Variants in TUBD1 observed in about 807,000 individuals in gnomAD.
The protein encoded by TUBD1 is tubulin delta 1, also known as tubulin delta chain.
TUBD1 carries 38 observed loss-of-function variants against 51.2 expected under a neutral mutation model. The observed-to-expected ratio is 0.74, with a 90% CI of 0.57 to 0.97. The LOEUF is 0.97. Ranked by LOEUF, TUBD1 falls within the 50% of genes least tolerant of loss-of-function variation. TUBD1 has a pLI of 0.00. For missense variants in TUBD1, 489 were observed against 538.4 expected, an observed-to-expected ratio of 0.91 and a Z score of 0.91; for synonymous variants, 169 against 178.2, an observed-to-expected ratio of 0.95 and a Z score of 0.41.
chr17:59,866,771 A>T (rs759322900), intron 6 of TUBD1, 22 bp from the exon 7 acceptor site: 1 of 1,575,278 alleles, frequency 6.3e-7, no homozygotes, highest in Admixed American at 2.0e-5. Context: ...AAAAAAAAGC[A>T]AGAGGTTTTA....
chr17:59,870,743 T>C (rs1042503591), intron 6 of TUBD1, among the ~76,000 whole-genome samples: 1 of 152,160 alleles, frequency 6.6e-6, no homozygotes, highest in Non-Finnish European at 1.5e-5. Flanking sequence ...TAAGATACGC[T>C]GAGTATGATA....
At position 59,891,004 on chromosome 17, in the gene TUBD1, C is replaced by A; in HGVS notation, c.-2G>T. On this transcript the variant is annotated 5_prime_UTR_variant, in exon 2 of 9. Transcript: ENST00000325752. ...AAGTTGCACTGTTACAATTGACATG[C>A]TGAGCCACAAACTAGGTGTATTACC... The A allele has an allele frequency of 6.2e-7, 1 of 1,607,982 alleles. No individual in the cohort carries two copies. Among genetic ancestry groups the A allele is most frequent in the Non-Finnish European group, 8.5e-7 (1 of 1,178,250 alleles).
chr17:59,887,187 A>AAAAC (rs899647034), intron 2 of TUBD1, among the ~76,000 whole-genome samples: 8 of 152,014 alleles, frequency 5.3e-5, no homozygotes, highest in South Asian at 2.1e-4. Context: ...ACACTGTCTC[A>AAAAC]AAACAAACAA....
At chr17:59,862,528 T>C (rs1348251283) in intron 8 of TUBD1, among the ~76,000 whole-genome samples, 1 of 151,756 alleles carries the variant, frequency 6.6e-6, no homozygotes, top group African/African-American at 2.4e-5. Flanking sequence ...AAGAATCTTA[T>C]GTTTTTTAAT....
Position 59,886,129 on chromosome 17 carries a change from C to T in TUBD1, c.274G>A (p.Ala92Thr). 6.2e-7 allele frequency: 1 copy of T among 1,613,968 alleles called. No homozygotes were observed. Among genetic ancestry groups the T allele is most frequent in the South Asian group, 1.1e-5 (1 of 91,070 alleles). ...QSGQWKYGQH[A>T]CFCQKQGSGN... ...GAACCTTGTTTTTGACAGAAGCATG[C>T]ATGTTGACCATATTTCCATTGGCCA... Residue 92 changes from alanine (A) to threonine (T), a missense_variant, in exon 3 of 9, where the codon GCA becomes ACA. By Grantham distance (58) the Ala-to-Thr change is moderately conservative (BLOSUM62 0). Transcript: ENST00000325752.
chr17:59,890,472 G>A (rs999763138), intron 2 of TUBD1, among the ~76,000 whole-genome samples: 2 of 152,160 alleles, frequency 1.3e-5, no homozygotes, highest in African/African-American at 2.4e-5. Context: ...TTGAACTCCT[G>A]ACCTTGTGAT....
chr17:59,862,570 G>A (rs1010488111), intron 8 of TUBD1, among the ~76,000 whole-genome samples: 9 of 151,282 alleles, frequency 5.9e-5, no homozygotes, highest in Admixed American at 5.3e-4. Flanking sequence ...ATGGAGTCTC[G>A]CTCTTGTTGC....
chr17:59,873,117 T>TATATTGTTCATAGTA (rs2040070865), intron 6 of TUBD1, among the ~76,000 whole-genome samples: 2 of 152,174 alleles, frequency 1.3e-5, no homozygotes, highest in South Asian at 4.2e-4. Context: ...AGTAAGACAT[T>TATATTGTTCATAGTA]TATAACTATG....
Position 59,881,289 on chromosome 17 carries a change from T to G in TUBD1, c.321-179A>C, listed in dbSNP as rs912150329. ...TTTAAATACATAAGTTGAATATATT[T>G]AACCCACTTATGCCTAGTGTTCCAT... On this transcript the variant is annotated intron_variant, in intron 3 of 8. Coordinates refer to ENST00000325752, the MANE Select transcript of TUBD1 (RefSeq NM_016261.4). The G allele has an allele frequency of 5.1e-6, 3 of 592,634 alleles. No individual in the cohort carries two copies. In the African/African-American group the frequency reaches 5.6e-5, roughly 11 times the overall value. The allele number at this position is 592,634 out of a possible 1,614,324, so 36.7% of individuals were successfully genotyped here.
intron 3 of TUBD1, 66 bp downstream of exon 3, chr17:59,886,017 C>T (rs1312988437): frequency 1.9e-6 from 3 of 1,544,800 alleles, no homozygotes; most frequent in Non-Finnish European, 2.7e-6. Flanking sequence ...ACAGTTCTAA[C>T]TTTGCTATCT....
chr17:59,889,668 C>CAAAAAAAAAAAAAAAAA (rs1195587619), intron 2 of TUBD1, among the ~76,000 whole-genome samples: 1 of 54,184 alleles, frequency 1.8e-5, no homozygotes, highest in Non-Finnish European at 3.6e-5. Flanking sequence ...GACTCTGTCT[C>CAAAAAAAAAAAAAAAAA]AAAAAAAAAA....
intron 3 of TUBD1, among the ~76,000 whole-genome samples, chr17:59,882,853 C>T (rs2040549311): frequency 6.6e-6 from 1 of 151,656 alleles, no homozygotes; most frequent in South Asian, 2.1e-4. Flanking sequence ...GGCATGATCT[C>T]TACTCACTGC....
intron 7 of TUBD1, 109 bp downstream of exon 7, chr17:59,866,498 AGT>A (rs2039705577): frequency 7.1e-7 from 1 of 1,404,190 alleles, no homozygotes; most frequent in Non-Finnish European, 9.6e-7. Flanking sequence ...TAAAACACAC[AGT>A]TATTACTTTC....
intron 6 of TUBD1, among the ~76,000 whole-genome samples, chr17:59,869,246 C>T (rs545137537): frequency 3.3e-5 from 5 of 151,750 alleles, no homozygotes; most frequent in African/African-American, 9.7e-5. Flanking sequence ...GAGGCCAAGG[C>T]GGGCAAATCA....
intron 8 of TUBD1, 41 bp from the exon 9 acceptor site, chr17:59,860,465 A>G (rs1303489957): frequency 2.7e-5 from 36 of 1,325,542 alleles, no homozygotes; most frequent in Non-Finnish European, 3.8e-5. Context: ...CAAAATAAAA[A>G]ATGTCTGGCA....
intron 6 of TUBD1, among the ~76,000 whole-genome samples, chr17:59,869,047 G>C (rs556923836): frequency 6.6e-6 from 1 of 151,362 alleles, no homozygotes; most frequent in Non-Finnish European, 1.5e-5. Context: ...TCTTCCCACA[G>C]AGCAAAGAAT....
intron 3 of TUBD1, among the ~76,000 whole-genome samples, chr17:59,881,504 T>C (rs1036014788): frequency 2.6e-5 from 4 of 152,206 alleles, no homozygotes; most frequent in Non-Finnish European, 4.4e-5. Context: ...TTTGAGGTTT[T>C]AATCAGATAC....
At position 59,878,426 on chromosome 17, in the gene TUBD1, G is replaced by C. The variant is rs1018047957; in HGVS notation, c.538-92C>G. 6 of 874,584 alleles carry C rather than the reference G, an allele frequency of 6.9e-6. No homozygotes were observed. In the East Asian group the frequency reaches 7.8e-5, roughly 11 times the overall value. 54.2% of individuals were successfully genotyped at this position (874,584 alleles called of 1,614,324 possible). ...AGGCATCCTGGCAGGGTTCAAATCC[G>C]GGCTCTGTCACTTTCTAGCCGTATG... On this transcript the variant is annotated intron_variant, in intron 4 of 8. Coordinates refer to ENST00000325752, the MANE Select transcript of TUBD1 (RefSeq NM_016261.4).
chr17:59,859,587 T>C lies in TUBD1; in HGVS notation c.*735A>G, dbSNP rs1014978525. 2.6e-5 allele frequency: 4 copies of C among 152,652 alleles called. No homozygotes were observed. The highest frequency in any genetic ancestry group is 2.1e-4 in the South Asian group (1 of 4,836). The allele number at this position is 152,652 out of a possible 1,614,324, so 9.5% of individuals were successfully genotyped here. On this transcript the variant is annotated 3_prime_UTR_variant, in exon 9 of 9. Coordinates refer to ENST00000325752, the MANE Select transcript of TUBD1 (RefSeq NM_016261.4). ...CCTGTTACAGAATATTCAAAATACA[T>C]GTTCACACTGTAGCATTTGACAACA...
Sources: allele counts gnomAD v4.1 joint callset (sites outside exome capture counted in the v4.1 genomes callset), GRCh38; gene constraint gnomAD v4.1.1; transcripts MANE v1.5; gene names NCBI Gene and HGNC (gene_info 2026-07-23, HGNC 2026-07-21).